The following RBFOX1 variants were observed in gnomAD, a reference collection of about 807,000 sequenced individuals.
RBFOX1 encodes the protein RNA binding fox-1 homolog 1.
RBFOX1 carries 8 observed loss-of-function variants against 57.7 expected under a neutral mutation model. The ratio of observed to expected loss-of-function variants is 0.14; its 90% CI spans 0.08 to 0.25. The LOEUF is 0.25. RBFOX1 is among the 10% of genes least tolerant of loss of function. RBFOX1 has a pLI of 1.00. For synonymous variants in RBFOX1, 326 were observed against 222.4 expected (o/e 1.47, Z -4.15); for missense variants, 611 against 548.5 (o/e 1.11, Z -1.14).
chr16:7,138,483 A>G (rs1367843774), intron 4 of RBFOX1, among the ~76,000 whole-genome samples: 1 of 152,206 alleles, frequency 6.6e-6, no homozygotes, highest in East Asian at 1.9e-4. Context: ...AAAGAAGAGA[A>G]TGAGCATGCA....
intron 3 of RBFOX1, among the ~76,000 whole-genome samples, chr16:7,035,439 A>G (rs893784936): frequency 2.0e-5 from 3 of 152,206 alleles, no homozygotes; most frequent in Non-Finnish European, 4.4e-5. Context: ...ACACAAAAAG[A>G]ATATTTATTT....
intron 1 of RBFOX1, among the ~76,000 whole-genome samples, chr16:6,127,582 G>A (rs1357855076): frequency 1.3e-5 from 2 of 152,204 alleles, no homozygotes; most frequent in Non-Finnish European, 2.9e-5. Flanking sequence ...AGTCTCTAAA[G>A]AAGATTCATG....
chr16:7,313,924 C>G (rs185955567), intron 4 of RBFOX1, among the ~76,000 whole-genome samples: 1 of 152,284 alleles, frequency 6.6e-6, no homozygotes, highest in African/African-American at 2.4e-5. Context: ...TGCCAGGTTC[C>G]TGCGTTGGAA....
At chr16:6,971,682 T>C (rs910936615) in intron 3 of RBFOX1, among the ~76,000 whole-genome samples, 33 of 152,068 alleles carry the variant, frequency 2.2e-4, no homozygotes, top group African/African-American at 5.1e-4. Flanking sequence ...TGGATAGAGA[T>C]GACTGTTGTT....
intron 2 of RBFOX1, among the ~76,000 whole-genome samples, chr16:5,544,683 A>G (rs1275187086): frequency 2.6e-5 from 4 of 152,188 alleles, no homozygotes; most frequent in Admixed American, 2.6e-4. Context: ...AATACTAAAG[A>G]TATATCTTTG....
chr16:5,505,839 G>A (rs953774368), intron 2 of RBFOX1, among the ~76,000 whole-genome samples: 19 of 152,214 alleles, frequency 1.2e-4, no homozygotes, highest in African/African-American at 3.9e-4. Flanking sequence ...CGTGGTTTGC[G>A]TGTGTGTCTA....
At chr16:5,912,653 T>G (rs1274746375) in intron 4 of RBFOX1, among the ~76,000 whole-genome samples, 1 of 152,172 alleles carries the variant, frequency 6.6e-6, no homozygotes, top group East Asian at 1.9e-4. Context: ...TATTTCCTAT[T>G]TGCTTGCTGG....
intron 4 of RBFOX1, among the ~76,000 whole-genome samples, chr16:7,310,506 G>C (rs1382809590): frequency 2.0e-5 from 3 of 152,124 alleles, no homozygotes; most frequent in African/African-American, 7.2e-5. Context: ...AGTCCTGTTG[G>C]TATGTTTTAT....
At chr16:6,697,697 A>G (rs2061258283) in intron 3 of RBFOX1, among the ~76,000 whole-genome samples, 2 of 152,146 alleles carry the variant, frequency 1.3e-5, no homozygotes, top group South Asian at 4.1e-4. Flanking sequence ...GAACAAATGA[A>G]GTTTGGGATG....
At chr16:7,304,552 C>A in intron 4 of RBFOX1, 1 of 985,372 alleles carries the variant, frequency 1.0e-6, no homozygotes, top group Non-Finnish European at 1.2e-6. Context: ...CCCGCGCGTA[C>A]TGGGCTGCGC....
chr16:7,009,234 T>G (rs1212847001), intron 3 of RBFOX1, among the ~76,000 whole-genome samples: 7 of 134,656 alleles, frequency 5.2e-5, no homozygotes, highest in Non-Finnish European at 1.1e-4. Flanking sequence ...TTCTTTTTTC[T>G]TCTTGTCTAC....
intron 4 of RBFOX1, among the ~76,000 whole-genome samples, chr16:7,358,450 T>C (rs1472582931): frequency 6.6e-6 from 1 of 152,206 alleles, no homozygotes; most frequent in African/African-American, 2.4e-5. Flanking sequence ...AGGTGGAGTT[T>C]TGTTCTGTCG....
intron 3 of RBFOX1, among the ~76,000 whole-genome samples, chr16:7,020,890 G>C (rs570639126): frequency 2.6e-5 from 4 of 152,156 alleles, no homozygotes; most frequent in African/African-American, 9.7e-5. Context: ...ACTTTGCGAT[G>C]CTAAGACAGG....
At chr16:5,375,070 C>T (rs1391850043) in intron 1 of RBFOX1, among the ~76,000 whole-genome samples, 6 of 43,932 alleles carry the variant, frequency 1.4e-4, no homozygotes, top group Admixed American at 3.5e-4. Context: ...GTGGTAGAAA[C>T]AGATTTTAAA....
intron 2 of RBFOX1, among the ~76,000 whole-genome samples, chr16:6,589,960 A>G (rs2097687710): frequency 6.6e-6 from 1 of 152,138 alleles, no homozygotes; most frequent in African/African-American, 2.4e-5. Flanking sequence ...AAGAATCAAT[A>G]ATGACCACAA....
intron 4 of RBFOX1, among the ~76,000 whole-genome samples, chr16:7,226,560 A>G (rs1218960593): frequency 6.6e-6 from 1 of 152,212 alleles, no homozygotes; most frequent in Non-Finnish European, 1.5e-5. Flanking sequence ...TGGTGCCTCC[A>G]TAGGGAGAAA....
chr16:5,927,348 A>G (rs1234489927), intron 4 of RBFOX1, among the ~76,000 whole-genome samples: 1 of 152,232 alleles, frequency 6.6e-6, no homozygotes, highest in African/African-American at 2.4e-5. Context: ...AAAATTGAAT[A>G]TGAAATTACT....
intron 4 of RBFOX1, among the ~76,000 whole-genome samples, chr16:7,297,261 C>T (rs769146130): frequency 6.6e-6 from 1 of 152,324 alleles, no homozygotes; most frequent in South Asian, 2.1e-4. Flanking sequence ...TAAAGACAAA[C>T]TACCCCACCC....
intron 3 of RBFOX1, among the ~76,000 whole-genome samples, chr16:6,910,993 G>A (rs2071430100): frequency 6.6e-6 from 1 of 152,078 alleles, no homozygotes; most frequent in Admixed American, 6.6e-5. Context: ...TTGAGGTCAG[G>A]AGTTTGAGAT....
Sources: allele counts gnomAD v4.1 joint callset (sites outside exome capture counted in the v4.1 genomes callset), GRCh38; gene constraint gnomAD v4.1.1; transcripts MANE v1.5; gene names NCBI Gene and HGNC (gene_info 2026-07-23, HGNC 2026-07-21).